The following MORC1 variants were observed in gnomAD, a reference collection of about 807,000 sequenced individuals.
MORC1 encodes MORC family CW-type zinc finger 1, also known as MORC family CW-type zinc finger protein 1.
In MORC1, 59 loss-of-function variants were observed where a neutral mutation model predicts 134.9. That is an observed-to-expected ratio of 0.44 (90% CI 0.35 to 0.54). The LOEUF is 0.54. MORC1 is among the 20% of genes least tolerant of loss of function. The probability of loss-of-function intolerance (pLI) is 0.00; values close to 1 mark genes in which losing one functional copy is unlikely to be tolerated. For missense variants in MORC1, 947 were observed against 1,134.5 expected (o/e 0.83, Z 2.37); for synonymous variants, 395 against 391.7 (o/e 1.01, Z -0.10).
chr3:108,959,543 TC>T (rs747759543), intron 27 of MORC1, among the ~76,000 whole-genome samples: 16 of 152,276 alleles, frequency 1.1e-4, no homozygotes, highest in Non-Finnish European at 2.2e-4. Flanking sequence ...CAGCGTCTTT[TC>T]CCTCAGCTCT....
At chr3:108,968,928 G>A (rs1419489505) in intron 26 of MORC1, among the ~76,000 whole-genome samples, 1 of 151,572 alleles carries the variant, frequency 6.6e-6, no homozygotes, top group Non-Finnish European at 1.5e-5. Flanking sequence ...CATCAGCTTG[G>A]CCAAGTTCAC....
chr3:109,007,595 A>C (rs551305946), intron 17 of MORC1, among the ~76,000 whole-genome samples: 1 of 152,302 alleles, frequency 6.6e-6, no homozygotes, highest in African/African-American at 2.4e-5. Context: ...ATGTTTCCAT[A>C]CTTTGGCCTG....
intron 9 of MORC1, among the ~76,000 whole-genome samples, chr3:109,066,880 C>G (rs568223240): frequency 5.8e-4 from 89 of 152,224 alleles, no homozygotes; most frequent in African/African-American, 2.1e-3. Flanking sequence ...AATTCAAATC[C>G]AGATTTGGCT....
chr3:108,966,274 T>C (rs2107368659), intron 26 of MORC1, among the ~76,000 whole-genome samples: 1 of 152,340 alleles, frequency 6.6e-6, no homozygotes, highest in Admixed American at 6.5e-5. Flanking sequence ...ACTGAGATTT[T>C]AATTTTCTAC....
intron 4 of MORC1, among the ~76,000 whole-genome samples, chr3:109,103,539 G>A (rs1222607306): frequency 6.6e-6 from 1 of 152,164 alleles, no homozygotes; most frequent in Admixed American, 6.5e-5. Flanking sequence ...AACAATCTCA[G>A]AGTCTATTCA....
chr3:109,101,490 A>C (rs2107780679), intron 4 of MORC1: 1 of 152,368 alleles, frequency 6.6e-6, no homozygotes, highest in Non-Finnish European at 1.5e-5. Flanking sequence ...TACATGCTGA[A>C]GAATTGTCCT....
chr3:108,987,951 A>G (rs1029477326), intron 21 of MORC1, among the ~76,000 whole-genome samples: 2 of 152,036 alleles, frequency 1.3e-5, no homozygotes, highest in Non-Finnish European at 1.5e-5. Flanking sequence ...AGACCCCTGA[A>G]CACGCACTGA....
intron 16 of MORC1, among the ~76,000 whole-genome samples, chr3:109,030,963 C>T (rs1949228419): frequency 6.6e-6 from 1 of 152,106 alleles, no homozygotes; most frequent in Admixed American, 6.5e-5. Context: ...AATATATATA[C>T]ATATCATGTA....
At chr3:109,013,961 T>C (rs1948757819) in intron 17 of MORC1, among the ~76,000 whole-genome samples, 1 of 152,204 alleles carries the variant, frequency 6.6e-6, no homozygotes, top group Admixed American at 6.5e-5. Context: ...GACAAGATAC[T>C]GGCACCTTGA....
rs1951311993 is a variant in MORC1 at position 109,118,117 on chromosome 3, T to TCGCCTG, written c.-64_-59dup. ...ACAAGGACACCTGACCGGCAGCCGT[T>TCGCCTG]CGCCTGCGCCCGCGCCCACTCCCAC... On this transcript the variant is annotated 5_prime_UTR_variant, in exon 1 of 28. Transcript: ENST00000232603. 1.9e-6 allele frequency: 3 copies of TCGCCTG among 1,561,202 alleles called. No homozygotes were observed. The highest frequency in any genetic ancestry group is 1.7e-4 in the Middle Eastern group (1 of 5,978).
At position 109,004,800 on chromosome 3, in the gene MORC1, T is replaced by A. The variant is rs762241949; in HGVS notation, c.2085+17A>T. The A allele has an allele frequency of 1.2e-6, 2 of 1,609,588 alleles. No homozygotes were observed. The highest frequency in any genetic ancestry group is 2.2e-5 in the South Asian group (2 of 90,282). On this transcript the variant is annotated intron_variant, in intron 20 of 27. Transcript: ENST00000232603. ...AATATTTCTCCCTTAAATACAAATTTAAAAGCCTTTTCCCACCTGGGCATT... is the reference window on the plus strand; with the variant it reads ...AATATTTCTCCCTTAAATACAAATTAAAAAGCCTTTTCCCACCTGGGCATT...
intron 14 of MORC1, among the ~76,000 whole-genome samples, chr3:109,044,507 G>A (rs918069390): frequency 4.6e-5 from 7 of 150,750 alleles, no homozygotes; most frequent in East Asian, 2.0e-4. Flanking sequence ...GCAGTGAGCC[G>A]ATATCACGCC....
intron 14 of MORC1, among the ~76,000 whole-genome samples, chr3:109,048,417 G>A (rs1949745146): frequency 6.6e-6 from 1 of 152,196 alleles, no homozygotes; most frequent in South Asian, 2.1e-4. Context: ...TAATCCAGTT[G>A]TGGGGGAATA....
intron 9 of MORC1, among the ~76,000 whole-genome samples, chr3:109,063,710 T>C (rs1018539830): frequency 1.7e-4 from 26 of 152,134 alleles, no homozygotes; most frequent in African/African-American, 6.3e-4. Context: ...GCTTTACTGA[T>C]AGAGAAACCT....
chr3:109,072,694 C>G (rs915494612), intron 8 of MORC1, among the ~76,000 whole-genome samples: 8 of 152,134 alleles, frequency 5.3e-5, no homozygotes, highest in Non-Finnish European at 1.0e-4. Context: ...TAAAAACATG[C>G]TAAATCGTCA....
intron 14 of MORC1, among the ~76,000 whole-genome samples, chr3:109,051,198 G>C (rs1347344966): frequency 6.6e-6 from 1 of 152,164 alleles, no homozygotes. Context: ...ATGTAGATTT[G>C]ATAAATGACA....
At chr3:109,042,149 C>T (rs1006887465) in intron 14 of MORC1, among the ~76,000 whole-genome samples, 5 of 152,028 alleles carry the variant, frequency 3.3e-5, no homozygotes, top group South Asian at 2.1e-4. Context: ...AGAACCCAGT[C>T]GGTGGGAAGT....
intron 9 of MORC1, among the ~76,000 whole-genome samples, chr3:109,065,709 C>A (rs1443046436): frequency 6.6e-6 from 1 of 152,178 alleles, no homozygotes; most frequent in Non-Finnish European, 1.5e-5. Flanking sequence ...AAAAGACACA[C>A]ACACTCATAT....
chr3:109,085,697 T>G (rs937447934), intron 8 of MORC1, among the ~76,000 whole-genome samples: 7 of 152,118 alleles, frequency 4.6e-5, no homozygotes, highest in Non-Finnish European at 1.0e-4. Flanking sequence ...GAGAATAGTA[T>G]GAAGGCTCCT....
Sources: gnomAD v4.1 joint callset for allele counts (sites outside exome capture counted in the v4.1 genomes callset) on GRCh38, gnomAD v4.1.1 for gene constraint, MANE v1.5 for transcripts, NCBI Gene and HGNC (gene_info 2026-07-23, HGNC 2026-07-21) for gene names.